FLYWCH1: variants seen among roughly 807,000 people sequenced by gnomAD.
FLYWCH1 encodes the protein FLYWCH-type zinc finger-containing protein 1.
FLYWCH1 carries 75 observed loss-of-function variants against 66.4 expected under a neutral mutation model. The ratio of observed to expected loss-of-function variants is 1.13; its 90% CI spans 0.94 to 1.37. FLYWCH1 has a LOEUF of 1.37. Among genes scored for constraint, FLYWCH1 ranks in the 40% most tolerant of loss-of-function variants. FLYWCH1 has a pLI of 0.00. For missense variants in FLYWCH1, 1,334 were observed against 1,001.8 expected, an observed-to-expected ratio of 1.33 and a Z score of -4.48; for synonymous variants, 595 against 429.9, an observed-to-expected ratio of 1.38 and a Z score of -4.75.
At chr16:2,939,827 G>A (rs1596393163) in intron 8 of FLYWCH1, 4 of 473,246 alleles carry the variant, frequency 8.5e-6, no homozygotes, top group Non-Finnish European at 1.5e-5. Context: ...TTCCATGACA[G>A]CAGCTGAAGG....
rs1476347804 is a variant in FLYWCH1, at chr16:2,944,797, G to C, written c.2112-3891G>C. ...AGATGGTGCCACTGCCCTCCAGCCT[G>C]GGCAACAGAGTGAGACTCTGTATCA... is the stretch of plus-strand genomic sequence containing the variant. On this transcript the variant is annotated intron_variant, in intron 9 of 9. Transcript: ENST00000253928. Among the ~76,000 whole-genome samples the C allele has an allele frequency of 2.0e-5, 3 of 151,708 alleles. No individual in the cohort carries two copies. The East Asian group carries it at 5.8e-4, about 29-fold the overall frequency.
intron 6 of FLYWCH1, chr16:2,936,150 A>T (rs1416274140): frequency 9.7e-6 from 3 of 310,518 alleles, no homozygotes; most frequent in African/African-American, 2.2e-5. Flanking sequence ...TGACCTCGTG[A>T]TCCGCCTGCC....
Position 2,940,087 on chromosome 16 carries a change from T to G in FLYWCH1, c.2106T>G (p.Ile702Met). The G allele has an allele frequency of 7.6e-7, 1 of 1,320,800 alleles. No homozygotes were observed. Among genetic ancestry groups the G allele is most frequent in the Non-Finnish European group, 1.1e-6 (1 of 913,812 alleles). 81.8% of individuals were successfully genotyped at this position (1,320,800 alleles called of 1,614,324 possible). ...FKTCSPESQQ[I>M]YGDIKDVRLD... is the part of the protein sequence containing the mutation. Reference sequence around the variant, plus strand: ...CGTGTTCTCCTGAAAGCCAGCAGATTTATGGGTAATTGTATTTGTTATCTA... The same window carrying G: ...CGTGTTCTCCTGAAAGCCAGCAGATGTATGGGTAATTGTATTTGTTATCTA... The change falls in exon 9 of 10, where the codon ATT (isoleucine) becomes ATG (methionine). Residue 702 changes from isoleucine to methionine, a missense_variant. Coordinates refer to ENST00000253928, the MANE Select transcript of FLYWCH1 (RefSeq NM_001308068.2).
At position 2,930,537 on chromosome 16, in the gene FLYWCH1, T is replaced by C; in HGVS notation, c.453T>C (p.Ala151=). ...TGTACTGGAAGTGCCGCCAACATGC[T>C]GAGCTGGGCTGCCGGGGCCGGGCCA... The part of the protein sequence containing the change: ...DKVYWKCRQH[A]ELGCRGRAIT... Residue 151 remains alanine (A), a synonymous_variant, in exon 4 of 10, where the codon GCT becomes GCC. Coordinates refer to ENST00000253928, the MANE Select transcript of FLYWCH1 (RefSeq NM_001308068.2). 6.5e-7 allele frequency: 1 copy of C among 1,546,188 alleles called. No homozygotes were observed. The highest frequency in any genetic ancestry group is 8.7e-7 in the Non-Finnish European group (1 of 1,150,718).
At chr16:2,935,239 T>C (rs567588070) in intron 6 of FLYWCH1, 3 of 152,718 alleles carry the variant, frequency 2.0e-5, no homozygotes, top group African/African-American at 4.8e-5. Flanking sequence ...GGTTTCACTT[T>C]AGCCTAGAAA....
At position 2,940,079 on chromosome 16, in the gene FLYWCH1, C is replaced by G; in HGVS notation, c.2098C>G (p.Gln700Glu). ...CTTCAAGACGTGTTCTCCTGAAAGC[C>G]AGCAGATTTATGGGTAATTGTATTT... is the stretch of plus-strand genomic sequence containing the variant. ...LCFKTCSPES[Q>E]QIYGDIKDVR... Residue 700 changes from glutamine (Q) to glutamate (E), a missense_variant, in exon 9 of 10, where the codon CAG becomes GAG. By Grantham distance (29) the Gln-to-Glu change is conservative. Transcript: ENST00000253928. The G allele has an allele frequency of 7.0e-7, 1 of 1,433,208 alleles. No individual in the cohort carries two copies. The highest frequency in any genetic ancestry group is 1.2e-5 in the South Asian group (1 of 86,882). The allele number at this position is 1,433,208 out of a possible 1,614,324, so 88.8% of individuals were successfully genotyped here. A position where few individuals can be genotyped will look rare whatever the true frequency, so the allele number is the denominator to read the frequency against.
intron 3 of FLYWCH1, 71 bp downstream of exon 3, chr16:2,930,081 C>G: frequency 7.5e-7 from 1 of 1,331,762 alleles, no homozygotes; most frequent in Non-Finnish European, 1.0e-6. Flanking sequence ...CCCTGTACAC[C>G]CTGCTTCAAG....
intron 9 of FLYWCH1, among the ~76,000 whole-genome samples, chr16:2,944,158 G>C (rs914998839): frequency 1.3e-5 from 2 of 151,766 alleles, no homozygotes; most frequent in Admixed American, 1.3e-4. Flanking sequence ...AGGCTGAGGC[G>C]GGCGGATCAC....
chr16:2,919,180 A>C (rs997156241), intron 2 of FLYWCH1, among the ~76,000 whole-genome samples: 3 of 152,098 alleles, frequency 2.0e-5, no homozygotes, highest in African/African-American at 7.2e-5. Flanking sequence ...CAGCCTCCCA[A>C]AGTGCTGGGA....
intron 2 of FLYWCH1, among the ~76,000 whole-genome samples, chr16:2,925,822 C>G (rs889158296): frequency 6.6e-6 from 1 of 152,116 alleles, no homozygotes; most frequent in Non-Finnish European, 1.5e-5. Context: ...AGTTAAGGAG[C>G]CGCTCCCCTC....
intron 2 of FLYWCH1, among the ~76,000 whole-genome samples, chr16:2,926,360 G>A (rs558322722): frequency 3.3e-5 from 5 of 152,192 alleles, no homozygotes; most frequent in African/African-American, 7.2e-5. Context: ...CTTTAGAACC[G>A]TTTCAAACAG....
chr16:2,937,575 G>A (rs969747438), intron 7 of FLYWCH1, among the ~76,000 whole-genome samples, 191 bp downstream of exon 7: 20 of 152,226 alleles, frequency 1.3e-4, no homozygotes, highest in Admixed American at 3.9e-4. Context: ...TCTGGGTAGT[G>A]GGGACTGGCT....
intron 2 of FLYWCH1, among the ~76,000 whole-genome samples, chr16:2,917,143 G>C (rs184749828): frequency 6.9e-6 from 1 of 145,408 alleles, no homozygotes; most frequent in African/African-American, 2.5e-5. Context: ...GTGAAAGAGC[G>C]AAACTCTGTC....
intron 2 of FLYWCH1, among the ~76,000 whole-genome samples, chr16:2,920,778 T>G (rs548065101): frequency 6.6e-6 from 1 of 150,432 alleles, no homozygotes; most frequent in East Asian, 2.0e-4. Flanking sequence ...CCACCTCAGG[T>G]GATCTGCCCA....
chr16:2,936,489 C>A (rs1383416168), intron 6 of FLYWCH1: 1 of 446,190 alleles, frequency 2.2e-6, no homozygotes, highest in Admixed American at 2.4e-5. Flanking sequence ...TTGCTACCCA[C>A]CCCCATCCCC....
Position 2,945,379 on chromosome 16 carries a change from G to A in FLYWCH1, c.2112-3309G>A, listed in dbSNP as rs1243411807. Among the ~76,000 whole-genome samples the A allele has an allele frequency of 6.6e-5, 10 of 151,754 alleles. No individual in the cohort carries two copies. In the East Asian group the frequency reaches 1.6e-3, roughly 24 times the overall value. Reference sequence around the variant, plus strand: ...CGTGTGCCTGTAATCCCAGCTACTCGGGAGGCTGGGGTAGGAGAATTGCTT... The same window carrying A: ...CGTGTGCCTGTAATCCCAGCTACTCAGGAGGCTGGGGTAGGAGAATTGCTT... On this transcript the variant is annotated intron_variant, in intron 9 of 9. Transcript: ENST00000253928.
intron 4 of FLYWCH1, 55 bp from the exon 5 acceptor site, chr16:2,933,075 C>G (rs1024578452): frequency 6.7e-7 from 1 of 1,486,970 alleles, no homozygotes; most frequent in South Asian, 1.2e-5. Flanking sequence ...AGGGGCTGTC[C>G]CTCCTGGGCT....
At position 2,933,472 on chromosome 16, in the gene FLYWCH1, C is replaced by A. The variant is rs762209180; in HGVS notation, c.1139C>A (p.Pro380His). Residue 380 changes from proline to histidine, a missense_variant, in exon 5 of 10, where the codon CCC (proline) becomes CAC (histidine). By Grantham distance (77) the Pro-to-His change is moderately conservative (BLOSUM62 -2). Coordinates refer to ENST00000253928, the MANE Select transcript of FLYWCH1 (RefSeq NM_001308068.2). ...DSLLYRRGPG[P>H]LTLTRPRPRK... ...TTGCTCTACCGCAGGGGTCCGGGTC[C>A]CCTGACTCTCACCAGGCCTCGGCCC... 13 of 1,604,624 alleles carry A rather than the reference C, an allele frequency of 8.1e-6. No homozygotes were observed. The Admixed American group carries it at 2.2e-4, about 27-fold the overall frequency.
At position 2,948,891 on chromosome 16, in the gene FLYWCH1, T is replaced by G. The variant is rs769570602; in HGVS notation, c.*164T>G. On this transcript the variant is annotated 3_prime_UTR_variant, in exon 10 of 10. Transcript: ENST00000253928. ...TCAGGAGGTCTCCCAGGAGGAATTCTTGGATGGTGTCCTCATGTCGGCGGA... is the reference window on the plus strand; with the variant it reads ...TCAGGAGGTCTCCCAGGAGGAATTCGTGGATGGTGTCCTCATGTCGGCGGA... 9.6e-6 allele frequency: 6 copies of G among 623,152 alleles called. No individual in the cohort carries two copies. In the South Asian group the frequency reaches 1.1e-4, roughly 12 times the overall value. 38.6% of individuals were successfully genotyped at this position (623,152 alleles called of 1,614,324 possible). A position where few individuals can be genotyped will look rare whatever the true frequency, so the allele number is the denominator to read the frequency against.
Sources: allele counts gnomAD v4.1 joint callset (sites outside exome capture counted in the v4.1 genomes callset), GRCh38; gene constraint gnomAD v4.1.1; transcripts MANE v1.5; gene names NCBI Gene and HGNC (gene_info 2026-07-23, HGNC 2026-07-21).